METTL24: variants seen among roughly 807,000 people sequenced by gnomAD.
METTL24 encodes methyltransferase like 24, also known as probable methyltransferase-like protein 24.
METTL24 carries 29 observed loss-of-function variants against 32.7 expected under a neutral mutation model. The ratio of observed to expected loss-of-function variants is 0.89; its 90% CI spans 0.66 to 1.21. The LOEUF (loss-of-function observed/expected upper bound fraction) is 1.21, where lower values mean the gene tolerates loss of function less well. Among genes scored for constraint, METTL24 ranks in the 50% most tolerant of loss-of-function variants. METTL24 has a pLI of 0.00. For missense variants in METTL24, 439 were observed against 468.1 expected (o/e 0.94, Z 0.57); for synonymous variants, 163 against 179.5 (o/e 0.91, Z 0.73).
chr6:110,249,192 T>G (rs537517647), intron 4 of METTL24, among the ~76,000 whole-genome samples: 13 of 152,116 alleles, frequency 8.5e-5, no homozygotes, highest in African/African-American at 3.1e-4. Context: ...CCAAACGTCT[T>G]AAAAATAAAC....
chr6:110,293,345 T>G (rs1317785858), intron 4 of METTL24, among the ~76,000 whole-genome samples: 1 of 152,068 alleles, frequency 6.6e-6, no homozygotes, highest in East Asian at 1.9e-4. Context: ...TTGTTGCTTT[T>G]GTAAATAAAC....
In METTL24 at chr6:110,339,281, C is replaced by A. The variant is rs150452836; in HGVS notation, c.319-16409G>T. ...CTTGGTTCATTCTCCCGCTAGGAGT[C>A]ATTTGGCTTGCTCCCAAACCAGTTT... is the stretch of plus-strand genomic sequence containing the variant. On this transcript the variant is annotated intron_variant, in intron 1 of 4. Coordinates refer to ENST00000338882, the MANE Select transcript of METTL24 (RefSeq NM_001123364.3). Among the ~76,000 whole-genome samples, 147 of 152,290 alleles carry A rather than the reference C, an allele frequency of 9.7e-4. 2 individuals are homozygous for A. The highest frequency in any genetic ancestry group is 3.2e-3 in the African/African-American group (134 of 41,574).
chr6:110,289,217 C>G (rs1771277023), intron 4 of METTL24, among the ~76,000 whole-genome samples: 1 of 152,184 alleles, frequency 6.6e-6, no homozygotes. Flanking sequence ...TTCCAAAATA[C>G]ACACTGAAGT....
chr6:110,314,899 G>A (rs1042645910), intron 3 of METTL24, among the ~76,000 whole-genome samples: 2 of 152,140 alleles, frequency 1.3e-5, no homozygotes, highest in African/African-American at 4.8e-5. Context: ...GAGAGGCAGG[G>A]GTTGCAGTGA....
intron 1 of METTL24, among the ~76,000 whole-genome samples, chr6:110,333,153 G>A (rs542946481): frequency 3.2e-4 from 49 of 152,158 alleles, no homozygotes; most frequent in Admixed American, 7.2e-4. Flanking sequence ...TATGTTCATC[G>A]ACTTACTTCA....
At chr6:110,248,782 A>G (rs1562214694) in intron 4 of METTL24, among the ~76,000 whole-genome samples, 1 of 151,912 alleles carries the variant, frequency 6.6e-6, no homozygotes. Context: ...TAAAAATAAA[A>G]CATTATTAAT....
At chr6:110,287,375 C>T (rs1282659711) in intron 4 of METTL24, among the ~76,000 whole-genome samples, 1 of 152,212 alleles carries the variant, frequency 6.6e-6, no homozygotes, top group African/African-American at 2.4e-5. Flanking sequence ...ATGAATGACT[C>T]ATTACTGCTA....
intron 1 of METTL24, among the ~76,000 whole-genome samples, chr6:110,348,564 T>G (rs1007672260): frequency 3.9e-5 from 6 of 152,248 alleles, no homozygotes; most frequent in African/African-American, 1.4e-4. Flanking sequence ...TCAAAGTACA[T>G]GAAAAATAAA....
intron 4 of METTL24, among the ~76,000 whole-genome samples, chr6:110,255,523 T>C (rs957268162): frequency 6.6e-6 from 1 of 152,104 alleles, no homozygotes; most frequent in East Asian, 1.9e-4. Flanking sequence ...GCAAGGGACC[T>C]GACCGAGGGC....
intron 1 of METTL24, among the ~76,000 whole-genome samples, chr6:110,333,812 C>T (rs567248040): frequency 2.0e-5 from 3 of 152,280 alleles, no homozygotes; most frequent in African/African-American, 7.2e-5. Flanking sequence ...ATTTTATAAA[C>T]TTTTCCCTTC....
rs571999220 is a variant in METTL24 at position 110,274,650 on chromosome 6, T to C, written c.786+24272A>G. On this transcript the variant is annotated intron_variant, in intron 4 of 4. Transcript: ENST00000338882. ...AAAATCACCCACTCCCCAAAAACTA[T>C]TGACATAAAAAAATTTTTTTTAAGT... Among the ~76,000 whole-genome samples, 26 of 151,998 alleles carry C rather than the reference T, an allele frequency of 1.7e-4. No individual in the cohort carries two copies. The East Asian group carries it at 4.3e-3, about 25-fold the overall frequency.
Position 110,259,653 on chromosome 6 carries a change from C to T in METTL24, c.787-13393G>A, listed in dbSNP as rs190286018. Among the ~76,000 whole-genome samples the T allele has an allele frequency of 1.1e-3, 172 of 152,334 alleles. 1 individual carries two copies. The highest frequency in any genetic ancestry group is 2.2e-3 in the Non-Finnish European group (151 of 68,030). Reference sequence around the variant, plus strand: ...TAGCATGCAGCTTGAGATCTGAGAACGGACAGACTGCCTCCTCAAGTGGGT... The same window carrying T: ...TAGCATGCAGCTTGAGATCTGAGAATGGACAGACTGCCTCCTCAAGTGGGT... On this transcript the variant is annotated intron_variant, in intron 4 of 4. Transcript: ENST00000338882.
intron 4 of METTL24, among the ~76,000 whole-genome samples, chr6:110,252,320 A>C (rs903212126): frequency 2.6e-5 from 4 of 152,182 alleles, no homozygotes; most frequent in African/African-American, 9.7e-5. Flanking sequence ...GTTTCTCCTA[A>C]GTCCTCCCGA....
At chr6:110,307,302 T>A (rs1386170249) in intron 3 of METTL24, among the ~76,000 whole-genome samples, 1 of 152,198 alleles carries the variant, frequency 6.6e-6, no homozygotes, top group Non-Finnish European at 1.5e-5. Flanking sequence ...GAACAAATAA[T>A]TATAATAAAA....
chr6:110,315,145 C>T (rs1220189979), intron 3 of METTL24, among the ~76,000 whole-genome samples, 197 bp downstream of exon 3: 2 of 152,036 alleles, frequency 1.3e-5, no homozygotes, highest in Admixed American at 6.6e-5. Flanking sequence ...AGGGAAAGTG[C>T]CTCTGACCAA....
At chr6:110,283,413 AG>A (rs746216827) in intron 4 of METTL24, among the ~76,000 whole-genome samples, 27 of 152,178 alleles carry the variant, frequency 1.8e-4, no homozygotes, top group Non-Finnish European at 3.2e-4. Flanking sequence ...AGAAAACAAC[AG>A]AGGCAACCAA....
At chr6:110,352,711 G>A (rs548825313) in intron 1 of METTL24, among the ~76,000 whole-genome samples, 84 of 151,920 alleles carry the variant, frequency 5.5e-4, no homozygotes, top group Non-Finnish European at 9.3e-4. Context: ...CTGCCTCGGT[G>A]TGTGTCCCAC....
At chr6:110,253,921 T>C (rs1169410277) in intron 4 of METTL24, 3 of 1,470,430 alleles carry the variant, frequency 2.0e-6, no homozygotes, top group South Asian at 2.9e-5. Context: ...AGGAGGTGAC[T>C]GCAGGTCCCC....
chr6:110,269,370 T>G (rs117574622), intron 4 of METTL24, among the ~76,000 whole-genome samples: 1,606 of 152,338 alleles, frequency 0.011, 13 homozygotes, highest in Middle Eastern at 0.017. Context: ...CGTCATTTTT[T>G]AATACTCATG....
Sources: gnomAD v4.1 joint callset for allele counts (sites outside exome capture counted in the v4.1 genomes callset) on GRCh38, gnomAD v4.1.1 for gene constraint, MANE v1.5 for transcripts, NCBI Gene and HGNC (gene_info 2026-07-23, HGNC 2026-07-21) for gene names.